CLSTN2: variants seen among roughly 807,000 people sequenced by gnomAD.
CLSTN2 encodes calsyntenin-2.
CLSTN2 carries 48 observed loss-of-function variants against 101.2 expected under a neutral mutation model. That is an observed-to-expected ratio of 0.47 (90% CI 0.38 to 0.60). The LOEUF is 0.60. Among genes scored for constraint, CLSTN2 ranks in the 20% least tolerant of loss-of-function variants. The pLI is 0.00. For synonymous variants in CLSTN2, 481 were observed against 463.6 expected, an observed-to-expected ratio of 1.04 and a Z score of -0.48; for missense variants, 1,160 against 1,238.2, an observed-to-expected ratio of 0.94 and a Z score of 0.95.
At chr3:140,339,611 T>C (rs1310693783) in intron 2 of CLSTN2, among the ~76,000 whole-genome samples, 1 of 152,118 alleles carries the variant, frequency 6.6e-6, no homozygotes, top group Non-Finnish European at 1.5e-5. Context: ...TCCAACCTGG[T>C]GGTGTGCTAC....
chr3:140,054,684 C>A (rs2107769946), intron 1 of CLSTN2, among the ~76,000 whole-genome samples: 1 of 152,298 alleles, frequency 6.6e-6, no homozygotes, highest in South Asian at 2.1e-4. Flanking sequence ...ATAGGACAAG[C>A]CACTGCATAT....
chr3:140,166,161 T>C (rs2010131289), intron 1 of CLSTN2, among the ~76,000 whole-genome samples: 1 of 152,208 alleles, frequency 6.6e-6, no homozygotes, highest in Non-Finnish European at 1.5e-5. Context: ...CTATTAACTT[T>C]TGTCTCAAGA....
chr3:140,562,851 C>A lies in CLSTN2; in HGVS notation c.2253C>A (p.His751Gln), dbSNP rs1330127780. ...SMSRYEQVLHHIRYRNWRPAS... is the reference protein window; with the variant it reads ...SMSRYEQVLHQIRYRNWRPAS... Reference sequence around the variant, plus strand: ...GCCGCTATGAGCAGGTGCTACATCACATCCGCTACCGCAACTGGCGTCCGG... The same window carrying A: ...GCCGCTATGAGCAGGTGCTACATCAAATCCGCTACCGCAACTGGCGTCCGG... Residue 751 changes from histidine (H) to glutamine (Q), a missense_variant, in exon 14 of 17, where the codon CAC (histidine) becomes CAA (glutamine). Coordinates refer to ENST00000458420, the MANE Select transcript of CLSTN2 (RefSeq NM_022131.3). 6.2e-7 allele frequency: 1 copy of A among 1,614,126 alleles called. No homozygotes were observed. Among genetic ancestry groups the A allele is most frequent in the Non-Finnish European group, 8.5e-7 (1 of 1,180,016 alleles).
chr3:139,978,648 TTGTGTG>T (rs552137591), intron 1 of CLSTN2, among the ~76,000 whole-genome samples: 7,081 of 135,392 alleles, frequency 0.052, 252 homozygotes, highest in Middle Eastern at 0.083. Context: ...GGATGGGGGA[TTGTGTG>T]TGTGTGTGTG....
chr3:140,040,402 G>T (rs1277041423), intron 1 of CLSTN2, among the ~76,000 whole-genome samples: 1 of 152,132 alleles, frequency 6.6e-6, no homozygotes, highest in African/African-American at 2.4e-5. Context: ...GCATTGCATA[G>T]GTTAGATATA....
intron 1 of CLSTN2, among the ~76,000 whole-genome samples, chr3:139,989,820 C>T (rs1936087769): frequency 6.6e-6 from 1 of 152,166 alleles, no homozygotes; most frequent in African/African-American, 2.4e-5. Flanking sequence ...CCTAGTTCTT[C>T]CCTTCTGAAA....
chr3:140,193,037 T>C (rs1435739950), intron 2 of CLSTN2, among the ~76,000 whole-genome samples: 1 of 151,886 alleles, frequency 6.6e-6, no homozygotes, highest in African/African-American at 2.4e-5. Context: ...AAAAGATGTA[T>C]GGGAATATCT....
chr3:140,249,113 C>T (rs1445522048), intron 2 of CLSTN2, among the ~76,000 whole-genome samples: 1 of 152,154 alleles, frequency 6.6e-6, no homozygotes. Flanking sequence ...CCTATGACTA[C>T]TGGAGCCATG....
chr3:140,444,430 CAAAAAAA>C (rs11391949), intron 5 of CLSTN2, among the ~76,000 whole-genome samples: 1 of 143,236 alleles, frequency 7.0e-6, no homozygotes, highest in Non-Finnish European at 1.5e-5. Flanking sequence ...AACTCCGTCT[CAAAAAAA>C]AAAAAATGCT....
intron 2 of CLSTN2, among the ~76,000 whole-genome samples, chr3:140,301,774 G>A (rs2087061435): frequency 6.6e-6 from 1 of 152,294 alleles, no homozygotes; most frequent in African/African-American, 2.4e-5. Flanking sequence ...ACTCCTCCTG[G>A]AGGCTGTGTG....
At chr3:140,338,779 G>T (rs186677169) in intron 2 of CLSTN2, among the ~76,000 whole-genome samples, 85 of 152,326 alleles carry the variant, frequency 5.6e-4, no homozygotes, top group African/African-American at 2.0e-3. Flanking sequence ...GGAAGTGTTG[G>T]TGGTCCTTCT....
rs1368439785 is a variant in CLSTN2 at position 140,152,826 on chromosome 3, T to C, written c.110-23125T>C. Among the ~76,000 whole-genome samples, 6 of 152,234 alleles carry C rather than the reference T, an allele frequency of 3.9e-5. No homozygotes were observed. The East Asian group carries it at 1.2e-3, about 29-fold the overall frequency. ...ACCATTTTTCCTGCTCCATGCTTAG[T>C]GGAGTTAGAGATAATCTACATACCC... On this transcript the variant is annotated intron_variant, in intron 1 of 16. Transcript: ENST00000458420.
chr3:140,435,281 G>T (rs549213233), intron 5 of CLSTN2, among the ~76,000 whole-genome samples: 1 of 150,980 alleles, frequency 6.6e-6, no homozygotes, highest in African/African-American at 2.4e-5. Context: ...CAATTGATTT[G>T]ATTTTTAGAT....
At chr3:140,194,361 C>T (rs2010614275) in intron 2 of CLSTN2, among the ~76,000 whole-genome samples, 1 of 152,078 alleles carries the variant, frequency 6.6e-6, no homozygotes. Context: ...AGGGCTCTTA[C>T]CTCATGACCT....
chr3:140,263,438 A>T (rs137904318), intron 2 of CLSTN2, among the ~76,000 whole-genome samples: 1 of 152,140 alleles, frequency 6.6e-6, no homozygotes, highest in South Asian at 2.1e-4. Context: ...GCTCACCCCC[A>T]TGGGGTTCAC....
intron 1 of CLSTN2, among the ~76,000 whole-genome samples, chr3:140,117,317 A>C (rs2009261733): frequency 6.6e-6 from 1 of 152,216 alleles, no homozygotes. Context: ...TTGATCCAGC[A>C]CATGGGGTGA....
chr3:140,453,983 G>A (rs1308103694), intron 6 of CLSTN2, among the ~76,000 whole-genome samples: 2 of 152,190 alleles, frequency 1.3e-5, no homozygotes, highest in Non-Finnish European at 1.5e-5. Context: ...CTAAAGAGCT[G>A]GAGCTTCCCA....
intron 5 of CLSTN2, among the ~76,000 whole-genome samples, chr3:140,443,918 GA>G (rs1400398661): frequency 6.6e-6 from 1 of 152,192 alleles, no homozygotes; most frequent in African/African-American, 2.4e-5. Context: ...GCAGAGTTGA[GA>G]TTCCAGCCTG....
At chr3:140,421,086 A>C in intron 4 of CLSTN2, 39 bp from the exon 5 acceptor site, 1 of 1,601,722 alleles carries the variant, frequency 6.2e-7, no homozygotes, top group South Asian at 1.1e-5. Flanking sequence ...AGTGCAGTTA[A>C]ATTGACCTGA....
Sources: gnomAD v4.1 joint callset for allele counts (sites outside exome capture counted in the v4.1 genomes callset) on GRCh38, gnomAD v4.1.1 for gene constraint, MANE v1.5 for transcripts, NCBI Gene and HGNC (gene_info 2026-07-23, HGNC 2026-07-21) for gene names.